Variants in HCN1 observed in about 807,000 individuals in gnomAD.
The protein encoded by HCN1 is potassium/sodium hyperpolarization-activated cyclic nucleotide-gated channel 1.
A neutral mutation model predicts 78.9 loss-of-function variants in HCN1; 13 were observed. That is an observed-to-expected ratio of 0.16 (90% CI 0.11 to 0.26). The LOEUF (loss-of-function observed/expected upper bound fraction) is 0.26, where lower values mean the gene tolerates loss of function less well. Among genes scored for constraint, HCN1 ranks in the 10% least tolerant of loss-of-function variants. The pLI is 1.00. For missense variants in HCN1, 810 were observed against 1,154.3 expected (o/e 0.70, Z 4.32); for synonymous variants, 552 against 455.5 (o/e 1.21, Z -2.70).
chr5:45,411,701 G>T (rs1740027472), intron 3 of HCN1, among the ~76,000 whole-genome samples: 1 of 152,016 alleles, frequency 6.6e-6, no homozygotes, highest in Non-Finnish European at 1.5e-5. Flanking sequence ...CCATTTATGA[G>T]ATTTCTGTTT....
chr5:45,539,282 A>G (rs1028864155), intron 2 of HCN1, among the ~76,000 whole-genome samples: 2 of 151,788 alleles, frequency 1.3e-5, no homozygotes, highest in Non-Finnish European at 2.9e-5. Flanking sequence ...GTCTATTGTT[A>G]TTTACAAAAC....
At chr5:45,498,512 T>G (rs1742103546) in intron 2 of HCN1, among the ~76,000 whole-genome samples, 1 of 152,160 alleles carries the variant, frequency 6.6e-6, no homozygotes, top group South Asian at 2.1e-4. Flanking sequence ...GTTTTCAACT[T>G]CTTTGCCTTT....
chr5:45,452,480 C>A (rs1579904453), intron 3 of HCN1, among the ~76,000 whole-genome samples: 1 of 151,358 alleles, frequency 6.6e-6, no homozygotes, highest in African/African-American at 2.4e-5. Flanking sequence ...AAACAGCAAA[C>A]ACTTCTAAAA....
intron 5 of HCN1, among the ~76,000 whole-genome samples, chr5:45,336,962 A>T (rs564902212): frequency 6.6e-6 from 1 of 152,066 alleles, no homozygotes; most frequent in African/African-American, 2.4e-5. Context: ...CACCTTGGGG[A>T]TTAGGATTTC....
chr5:45,341,662 T>A (rs1746585021), intron 5 of HCN1, among the ~76,000 whole-genome samples: 1 of 152,122 alleles, frequency 6.6e-6, no homozygotes, highest in Non-Finnish European at 1.5e-5. Flanking sequence ...GAGGTTGAAC[T>A]GGGAGGATCA....
At chr5:45,375,364 T>C (rs1168688338) in intron 4 of HCN1, among the ~76,000 whole-genome samples, 1 of 126,070 alleles carries the variant, frequency 7.9e-6, no homozygotes, top group African/African-American at 3.0e-5. Flanking sequence ...TATTTTATGA[T>C]ATACAATATA....
intron 3 of HCN1, among the ~76,000 whole-genome samples, chr5:45,412,746 A>T (rs1024738495): frequency 7.5e-6 from 1 of 134,164 alleles, no homozygotes; most frequent in Non-Finnish European, 1.6e-5. Context: ...GTTCAGGTTG[A>T]TCCCCAAGAG....
At chr5:45,491,934 A>G (rs1389191745) in intron 2 of HCN1, among the ~76,000 whole-genome samples, 1 of 152,134 alleles carries the variant, frequency 6.6e-6, no homozygotes, top group African/African-American at 2.4e-5. Context: ...CTATATATAA[A>G]TGTCATGTTA....
At chr5:45,328,988 T>G (rs747919721) in intron 5 of HCN1, among the ~76,000 whole-genome samples, 1 of 151,664 alleles carries the variant, frequency 6.6e-6, no homozygotes, top group Non-Finnish European at 1.5e-5. Flanking sequence ...TTGTTTTAAA[T>G]GTATTGTATG....
At chr5:45,372,302 A>T (rs2112007953) in intron 4 of HCN1, among the ~76,000 whole-genome samples, 1 of 97,210 alleles carries the variant, frequency 1.0e-5, no homozygotes, top group South Asian at 2.9e-4. Context: ...CATATATAAT[A>T]TATAATATGT....
intron 7 of HCN1, among the ~76,000 whole-genome samples, chr5:45,264,443 G>A (rs569851050): frequency 4.6e-4 from 70 of 152,210 alleles, no homozygotes; most frequent in Non-Finnish European, 7.4e-4. Context: ...ATCAATTTGC[G>A]ATATTGCTAA....
chr5:45,584,407 T>C (rs184952829), intron 2 of HCN1, among the ~76,000 whole-genome samples: 1 of 152,338 alleles, frequency 6.6e-6, no homozygotes, highest in Admixed American at 6.5e-5. Context: ...TCCTTTTATT[T>C]TGAGCCTACA....
intron 2 of HCN1, among the ~76,000 whole-genome samples, chr5:45,496,152 A>T (rs1023836585): frequency 2.0e-5 from 3 of 151,964 alleles, no homozygotes; most frequent in African/African-American, 7.2e-5. Flanking sequence ...TTTTCTATTG[A>T]TTGGAATAGT....
chr5:45,392,860 G>A (rs1739612100), intron 4 of HCN1, among the ~76,000 whole-genome samples: 1 of 151,632 alleles, frequency 6.6e-6, no homozygotes, highest in Admixed American at 6.6e-5. Context: ...TCATTTTGGA[G>A]AAGTTTAGCG....
At chr5:45,286,710 T>C (rs1389123546) in intron 6 of HCN1, among the ~76,000 whole-genome samples, 1 of 152,066 alleles carries the variant, frequency 6.6e-6, no homozygotes, top group South Asian at 2.1e-4. Context: ...GGGAACTACT[T>C]AGTGCATACC....
chr5:45,641,246 C>A (rs200777991), intron 2 of HCN1, among the ~76,000 whole-genome samples: 1 of 152,146 alleles, frequency 6.6e-6, no homozygotes, highest in East Asian at 1.9e-4. Flanking sequence ...TACTCTACAC[C>A]AATTTGAATG....
chr5:45,482,113 C>A (rs1383765672), intron 2 of HCN1, among the ~76,000 whole-genome samples: 1 of 152,140 alleles, frequency 6.6e-6, no homozygotes, highest in Non-Finnish European at 1.5e-5. Context: ...ATAAATTAAA[C>A]TCTGACTCCA....
intron 5 of HCN1, among the ~76,000 whole-genome samples, chr5:45,317,051 T>C (rs984755576): frequency 1.3e-5 from 2 of 151,880 alleles, no homozygotes; most frequent in African/African-American, 4.8e-5. Flanking sequence ...CTTCAAAAAA[T>C]TGGGAAAAAA....
chr5:45,395,270 C>T (rs1034052902), intron 4 of HCN1, among the ~76,000 whole-genome samples: 3 of 152,070 alleles, frequency 2.0e-5, no homozygotes, highest in Admixed American at 1.3e-4. Flanking sequence ...TATCTTAAAT[C>T]TCCATAAAAT....
Sources: allele counts gnomAD v4.1 joint callset (sites outside exome capture counted in the v4.1 genomes callset), GRCh38; gene constraint gnomAD v4.1.1; transcripts MANE v1.5; gene names NCBI Gene and HGNC (gene_info 2026-07-23, HGNC 2026-07-21).